ANK3: variants seen among roughly 807,000 people sequenced by gnomAD.
ANK3 encodes the protein ankyrin-3.
A neutral mutation model predicts 370.9 loss-of-function variants in ANK3; 57 were observed. The observed-to-expected ratio is 0.15, with a 90% CI of 0.12 to 0.19. ANK3 has a LOEUF of 0.19. ANK3 is among the 10% of genes least tolerant of loss of function. ANK3 has a pLI of 1.00. For synonymous variants in ANK3, 1,929 were observed against 1,946.3 expected (o/e 0.99, Z 0.23); for missense variants, 4,439 against 5,302.1 (o/e 0.84, Z 5.06).
intron 36 of ANK3, among the ~76,000 whole-genome samples, chr10:60,078,568 T>C (rs1425540411): frequency 2.0e-5 from 3 of 152,226 alleles, no homozygotes; most frequent in African/African-American, 7.2e-5. Context: ...TCTATGGTTT[T>C]ATACTTCGCA....
chr10:60,155,171 T>C (rs540148512), intron 23 of ANK3, among the ~76,000 whole-genome samples: 1 of 152,118 alleles, frequency 6.6e-6, no homozygotes, highest in South Asian at 2.1e-4. Flanking sequence ...GATAGAGGCA[T>C]TGAAAAGCTC....
chr10:60,197,189 C>T (rs1424160476), intron 14 of ANK3, among the ~76,000 whole-genome samples: 1 of 152,148 alleles, frequency 6.6e-6, no homozygotes, highest in Non-Finnish European at 1.5e-5. Flanking sequence ...AATTCTCTCA[C>T]CTTTGCCACC....
chr10:60,502,775 GAAAA>G (rs2075834383), intron 2 of ANK3, among the ~76,000 whole-genome samples: 1 of 132,288 alleles, frequency 7.6e-6, no homozygotes, highest in Admixed American at 7.8e-5. Flanking sequence ...AAAAAAGAAA[GAAAA>G]GAAAGAAAGA....
chr10:60,204,689 T>C (rs1007502016), intron 11 of ANK3, among the ~76,000 whole-genome samples: 12 of 152,054 alleles, frequency 7.9e-5, no homozygotes, highest in African/African-American at 2.9e-4. Flanking sequence ...GGCCAGACAG[T>C]GTGGGTATAT....
intron 1 of ANK3, among the ~76,000 whole-genome samples, chr10:60,705,481 G>T (rs1340197970): frequency 6.6e-6 from 1 of 152,098 alleles, no homozygotes; most frequent in Non-Finnish European, 1.5e-5. Flanking sequence ...TCAGCATATA[G>T]GAAAACAGAG....
At chr10:60,181,205 T>A in intron 18 of ANK3, 124 bp downstream of exon 18, 1 of 942,386 alleles carries the variant, frequency 1.1e-6, no homozygotes, top group Non-Finnish European at 1.6e-6. Flanking sequence ...AATAAACATT[T>A]AAAATACTAC....
chr10:60,081,387 C>T (rs1278652007), intron 35 of ANK3: 3 of 298,562 alleles, frequency 1.0e-5, no homozygotes, highest in African/African-American at 4.4e-5. Flanking sequence ...TGAGCCACCA[C>T]GCCTGGCCAG....
At chr10:60,195,315 C>A (rs4948397) in intron 16 of ANK3, among the ~76,000 whole-genome samples, 38,722 of 148,168 alleles carry the variant, frequency 0.26, 5,751 homozygotes, top group East Asian at 0.43. Context: ...ACCCCGGAGG[C>A]GGAGCTTGCA....
intron 7 of ANK3, among the ~76,000 whole-genome samples, chr10:60,240,201 CACAT>C (rs1341764342): frequency 1.1e-4 from 15 of 133,778 alleles, no homozygotes; most frequent in Non-Finnish European, 2.1e-4. Flanking sequence ...TATACACACA[CACAT>C]ATATATACAC....
In ANK3 at chr10:60,264,453, A is replaced by G. The variant is rs1336033212; in HGVS notation, c.514-433T>C. Among the ~76,000 whole-genome samples, 5 of 151,942 alleles carry G rather than the reference A, an allele frequency of 3.3e-5. No individual in the cohort carries two copies. The South Asian group carries it at 8.3e-4, about 25-fold the overall frequency. On this transcript the variant is annotated intron_variant, in intron 5 of 43. Transcript: ENST00000280772. ...CAGAGGTCAGGAGTTCGAGACCAGC[A>G]TGATCAACATTGTGAAACCCCGTCT...
upstream of ANK3, among the ~76,000 whole-genome samples, chr10:60,393,926 GA>G (rs546980071): frequency 2.0e-5 from 3 of 151,876 alleles, no homozygotes; most frequent in Non-Finnish European, 4.4e-5. Context: ...ATGGAAGTAA[GA>G]AAGAAACTAA....
At position 60,072,590 on chromosome 10, in the gene ANK3, C is replaced by T; in HGVS notation, c.8291G>A (p.Arg2764Lys). ...GTCTATGGCCTTCTGCTGTTTTTCT[C>T]TAGCAAAAACTTGGTAGACGGGTAG... ...SKLPVYQVFA[R>K]EKQQKAIDLP... The change falls in exon 37 of 44, where the codon AGA becomes AAA. Residue 2764 changes from arginine (R) to lysine (K), a missense_variant. Around this residue, in one of 13 missense-constraint regions of ANK3, gnomAD observed 1,601 missense variants for 1,731.7 expected, o/e 0.92. Transcript: ENST00000280772. 6.2e-7 allele frequency: 1 copy of T among 1,613,594 alleles called. No homozygotes were observed. The highest frequency in any genetic ancestry group is 8.5e-7 in the Non-Finnish European group (1 of 1,179,886).
At chr10:60,147,394 G>A (rs2094882160) in intron 23 of ANK3, among the ~76,000 whole-genome samples, 1 of 152,216 alleles carries the variant, frequency 6.6e-6, no homozygotes, top group African/African-American at 2.4e-5. Context: ...ATTATTTATG[G>A]GGTGGGAGAG....
intron 9 of ANK3, among the ~76,000 whole-genome samples, chr10:60,211,182 C>T (rs1338689228): frequency 3.3e-5 from 5 of 152,208 alleles, no homozygotes; most frequent in East Asian, 3.9e-4. Flanking sequence ...TGTATGGAGC[C>T]GTCAGGTCTC....
chr10:60,300,641 C>G (rs1402331406), intron 1 of ANK3: 16 of 780,514 alleles, frequency 2.0e-5, no homozygotes, highest in East Asian at 1.3e-4. Flanking sequence ...TGTGGAATAC[C>G]GAGAATAGCA....
chr10:60,238,987 A>C (rs2097376569), intron 7 of ANK3, among the ~76,000 whole-genome samples: 1 of 152,210 alleles, frequency 6.6e-6, no homozygotes. Context: ...TGATAAGAAA[A>C]ATTGCAATAT....
At chr10:60,353,140 C>T (rs1267920767) in intron 1 of ANK3, among the ~76,000 whole-genome samples, 2 of 150,044 alleles carry the variant, frequency 1.3e-5, no homozygotes, top group Non-Finnish European at 3.0e-5. Flanking sequence ...ACCATCACAC[C>T]TGGCTAATTT....
chr10:60,714,858 G>T (rs937821810), intron 1 of ANK3, among the ~76,000 whole-genome samples: 1 of 152,160 alleles, frequency 6.6e-6, no homozygotes, highest in Admixed American at 6.5e-5. Flanking sequence ...GTGGGGCACA[G>T]AAGATTTTTA....
At chr10:60,612,572 ACCT>A (rs1334839319) in intron 2 of ANK3, among the ~76,000 whole-genome samples, 26 of 151,920 alleles carry the variant, frequency 1.7e-4, no homozygotes, top group Non-Finnish European at 3.4e-4. Flanking sequence ...GCTCACTGCA[ACCT>A]CCGCCTCCCA....
Sources: allele counts gnomAD v4.1 joint callset (sites outside exome capture counted in the v4.1 genomes callset), GRCh38; gene constraint gnomAD v4.1.1; regional missense constraint gnomAD v4.1.1; transcripts MANE v1.5; gene names NCBI Gene and HGNC (gene_info 2026-07-23, HGNC 2026-07-21).